HDAC9: variants seen among roughly 807,000 people sequenced by gnomAD.
The protein encoded by HDAC9 is MEF-2 interacting transcription repressor (MITR) protein.
In HDAC9, 41 loss-of-function variants were observed where a neutral mutation model predicts 139.4. That is an observed-to-expected ratio of 0.29 (90% CI 0.23 to 0.38). The LOEUF is 0.38. Among genes scored for constraint, HDAC9 ranks in the 10% least tolerant of loss-of-function variants. The probability of loss-of-function intolerance (pLI) is 1.00; values close to 1 mark genes in which losing one functional copy is unlikely to be tolerated. For missense variants in HDAC9, 1,147 were observed against 1,297.0 expected (o/e 0.88, Z 1.78); for synonymous variants, 517 against 476.2 (o/e 1.09, Z -1.12).
chr7:18,921,129 C>T (rs1348144607), intron 22 of HDAC9, among the ~76,000 whole-genome samples: 7 of 152,016 alleles, frequency 4.6e-5, no homozygotes, highest in African/African-American at 7.2e-5. Context: ...CCATAAAAAC[C>T]GTAGAAGAAA....
At chr7:18,919,159 C>G (rs1403284270) in intron 22 of HDAC9, among the ~76,000 whole-genome samples, 1 of 152,020 alleles carries the variant, frequency 6.6e-6, no homozygotes, top group African/African-American at 2.4e-5. Flanking sequence ...AACACAAAGT[C>G]AGAAGGGCGC....
At chr7:18,299,849 C>G (rs952347192) in intron 1 of HDAC9, among the ~76,000 whole-genome samples, 1 of 152,174 alleles carries the variant, frequency 6.6e-6, no homozygotes, top group Non-Finnish European at 1.5e-5. Context: ...TCTTAGCAAG[C>G]AAGCACTGTT....
chr7:18,530,407 A>C (rs1354542274), intron 2 of HDAC9, among the ~76,000 whole-genome samples: 3 of 152,214 alleles, frequency 2.0e-5, no homozygotes, highest in Non-Finnish European at 4.4e-5. Context: ...CTGCTTCAGA[A>C]TAGAAACAAT....
At chr7:18,104,023 G>A (rs976838821) in intron 1 of HDAC9, among the ~76,000 whole-genome samples, 4 of 152,130 alleles carry the variant, frequency 2.6e-5, no homozygotes, top group Non-Finnish European at 5.9e-5. Flanking sequence ...CATTCAGACC[G>A]AGACTGTGTA....
chr7:18,303,511 T>C (rs369511145), intron 1 of HDAC9, among the ~76,000 whole-genome samples: 4 of 151,690 alleles, frequency 2.6e-5, no homozygotes, highest in African/African-American at 9.7e-5. Flanking sequence ...GCTCCCAAAG[T>C]GCTGGGATTA....
chr7:18,100,591 T>C (rs1420551614), intron 1 of HDAC9, among the ~76,000 whole-genome samples: 7 of 152,228 alleles, frequency 4.6e-5, no homozygotes. Context: ...GTAGTTTTCA[T>C]CTCTTGAAGT....
intron 8 of HDAC9, among the ~76,000 whole-genome samples, chr7:18,641,430 A>G (rs1785565330): frequency 6.9e-6 from 1 of 145,476 alleles, no homozygotes; most frequent in African/African-American, 2.5e-5. Flanking sequence ...GCACCTAACT[A>G]CCATGTGAAT....
intron 19 of HDAC9, among the ~76,000 whole-genome samples, 160 bp from the exon 20 acceptor site, chr7:18,835,307 T>A (rs1796155977): frequency 6.6e-6 from 1 of 151,930 alleles, no homozygotes; most frequent in South Asian, 2.1e-4. Flanking sequence ...GGGGGTGGTG[T>A]GGAAGCAGGC....
At chr7:18,442,166 C>T (rs759623752) in intron 1 of HDAC9, among the ~76,000 whole-genome samples, 3 of 152,138 alleles carry the variant, frequency 2.0e-5, no homozygotes, top group Non-Finnish European at 2.9e-5. Flanking sequence ...AAAGTCAGAG[C>T]AACCTACAGA....
chr7:18,940,939 A>G (rs975287866), intron 23 of HDAC9, among the ~76,000 whole-genome samples: 2 of 152,116 alleles, frequency 1.3e-5, no homozygotes, highest in African/African-American at 2.4e-5. Flanking sequence ...AGTTGAGAAC[A>G]TGGCCATTAG....
At chr7:18,256,818 G>T (rs1038294438) in intron 2 of HDAC9, among the ~76,000 whole-genome samples, 1 of 151,986 alleles carries the variant, frequency 6.6e-6, no homozygotes, top group African/African-American at 2.4e-5. Flanking sequence ...CTGGGCACAG[G>T]GGCTCATGCA....
upstream of HDAC9, among the ~76,000 whole-genome samples, chr7:18,285,547 A>C (rs1037328722): frequency 6.6e-6 from 1 of 151,882 alleles, no homozygotes. Context: ...ATAGTGTGAC[A>C]TTTTTTTCCC....
chr7:18,732,410 ATATC>A (rs150276744), intron 13 of HDAC9, among the ~76,000 whole-genome samples: 2,435 of 150,540 alleles, frequency 0.016, 67 homozygotes, highest in African/African-American at 0.058. Flanking sequence ...ATTTGTATAC[ATATC>A]TATGTGCATG....
intron 2 of HDAC9, among the ~76,000 whole-genome samples, chr7:18,210,692 A>C (rs560142987): frequency 6.6e-6 from 1 of 152,350 alleles, no homozygotes; most frequent in South Asian, 2.1e-4. Flanking sequence ...AGTTCAAGGT[A>C]GGATATTAGA....
intron 1 of HDAC9, among the ~76,000 whole-genome samples, chr7:18,456,426 G>A (rs1393958590): frequency 1.3e-5 from 2 of 151,992 alleles, no homozygotes; most frequent in African/African-American, 2.4e-5. Context: ...AGTTGAGATG[G>A]GGTTTCACCA....
chr7:18,469,266 T>C (rs1794542680), intron 1 of HDAC9, among the ~76,000 whole-genome samples: 1 of 152,226 alleles, frequency 6.6e-6, no homozygotes, highest in African/African-American at 2.4e-5. Context: ...AACTTATTTT[T>C]AATATTCTGC....
intron 2 of HDAC9, among the ~76,000 whole-genome samples, chr7:18,212,408 AT>A (rs1792008263): frequency 6.6e-6 from 1 of 152,154 alleles, no homozygotes; most frequent in East Asian, 1.9e-4. Context: ...AGACAGCATA[AT>A]CTTGTGGTTA....
intron 22 of HDAC9, among the ~76,000 whole-genome samples, chr7:18,889,776 C>T (rs912623465): frequency 1.3e-5 from 2 of 152,184 alleles, no homozygotes; most frequent in African/African-American, 4.8e-5. Flanking sequence ...TGGTTCATTG[C>T]AGCCTTTAGC....
At chr7:18,543,678 A>G (rs1002443951) in intron 2 of HDAC9, 2 of 152,166 alleles carry the variant, frequency 1.3e-5, no homozygotes, top group African/African-American at 4.8e-5. Flanking sequence ...CAAAAAGGTA[A>G]AATTTTCCTG....
Sources: gnomAD v4.1 joint callset for allele counts (sites outside exome capture counted in the v4.1 genomes callset) on GRCh38, gnomAD v4.1.1 for gene constraint, MANE v1.5 for transcripts, NCBI Gene and HGNC (gene_info 2026-07-23, HGNC 2026-07-21) for gene names.